Variants in CAMKMT observed in about 807,000 individuals in gnomAD.
The protein encoded by CAMKMT is calmodulin-lysine N-methyltransferase, also known as CaM KMT.
CAMKMT carries 53 observed loss-of-function variants against 48.0 expected under a neutral mutation model. The ratio of observed to expected loss-of-function variants is 1.10; its 90% CI spans 0.89 to 1.39. The LOEUF (loss-of-function observed/expected upper bound fraction) is 1.39. Ranked by LOEUF, CAMKMT falls within the 40% of genes most tolerant of loss-of-function variation. The pLI, the probability that CAMKMT is intolerant of heterozygous loss-of-function variation, is 0.00. For synonymous variants in CAMKMT, 165 were observed against 152.3 expected (o/e 1.08, Z -0.61); for missense variants, 428 against 402.7 (o/e 1.06, Z -0.54).
intron 3 of CAMKMT, among the ~76,000 whole-genome samples, chr2:44,481,742 A>G (rs2104684336): frequency 6.6e-6 from 1 of 152,220 alleles, no homozygotes; most frequent in South Asian, 2.1e-4. Context: ...ATGAATGACA[A>G]AGCTTTTGAT....
At chr2:44,703,340 A>G (rs759396097) in intron 3 of CAMKMT, among the ~76,000 whole-genome samples, 8 of 152,218 alleles carry the variant, frequency 5.3e-5, no homozygotes, top group South Asian at 2.1e-4. Context: ...ATTTGAAATC[A>G]GTGATTTATG....
intron 3 of CAMKMT, among the ~76,000 whole-genome samples, chr2:44,403,987 T>G (rs1193622295): frequency 6.6e-6 from 1 of 152,188 alleles, no homozygotes; most frequent in East Asian, 1.9e-4. Context: ...AGCTATAGTT[T>G]ATTGGTCCTT....
At chr2:44,598,638 T>C (rs1048582105) in intron 3 of CAMKMT, among the ~76,000 whole-genome samples, 2 of 142,616 alleles carry the variant, frequency 1.4e-5, no homozygotes, top group Non-Finnish European at 3.1e-5. Flanking sequence ...GAGAAACTTA[T>C]ATACTATAAT....
chr2:44,404,879 A>C (rs1038847518), intron 3 of CAMKMT, among the ~76,000 whole-genome samples: 2 of 152,130 alleles, frequency 1.3e-5, no homozygotes, highest in Non-Finnish European at 2.9e-5. Context: ...TTTTTAAAAA[A>C]AGATGTTATG....
chr2:44,406,994 G>A (rs1164160121), intron 3 of CAMKMT, among the ~76,000 whole-genome samples: 1 of 152,160 alleles, frequency 6.6e-6, no homozygotes. Context: ...TTGGATTCCA[G>A]ACATCGTGTG....
intron 3 of CAMKMT, among the ~76,000 whole-genome samples, chr2:44,538,517 C>G (rs1049489916): frequency 6.6e-6 from 1 of 151,978 alleles, no homozygotes; most frequent in African/African-American, 2.4e-5. Flanking sequence ...TGAACTAACT[C>G]AGGAATGGAA....
At chr2:44,552,117 G>A (rs532021756) in intron 3 of CAMKMT, among the ~76,000 whole-genome samples, 2 of 152,060 alleles carry the variant, frequency 1.3e-5, no homozygotes, top group Non-Finnish European at 2.9e-5. Context: ...TTACCCATTA[G>A]GTGATTTCTC....
intron 3 of CAMKMT, among the ~76,000 whole-genome samples, chr2:44,544,314 A>G (rs1667278241): frequency 6.6e-6 from 1 of 152,210 alleles, no homozygotes; most frequent in South Asian, 2.1e-4. Context: ...TATACAAATC[A>G]AGACTTCCAG....
intron 3 of CAMKMT, among the ~76,000 whole-genome samples, chr2:44,700,164 C>T (rs548822633): frequency 6.6e-6 from 1 of 152,314 alleles, no homozygotes; most frequent in Non-Finnish European, 1.5e-5. Context: ...CTGCAGATTC[C>T]TCACCTTCAG....
intron 3 of CAMKMT, among the ~76,000 whole-genome samples, chr2:44,567,433 G>A (rs1164584561): frequency 2.6e-5 from 4 of 152,120 alleles, no homozygotes; most frequent in Admixed American, 6.5e-5. Flanking sequence ...TATCAACTGG[G>A]ATAGAAAAAT....
At chr2:44,509,074 T>C (rs1160264399) in intron 3 of CAMKMT, among the ~76,000 whole-genome samples, 1 of 146,300 alleles carries the variant, frequency 6.8e-6, no homozygotes, top group Non-Finnish European at 1.5e-5. Flanking sequence ...CCAGGCTGGA[T>C]GACAGACCCA....
intron 3 of CAMKMT, among the ~76,000 whole-genome samples, chr2:44,404,976 A>G (rs951062941): frequency 1.3e-5 from 2 of 152,136 alleles, no homozygotes; most frequent in Admixed American, 6.5e-5. Context: ...AGAGTCTTTC[A>G]TGGAGGCAAA....
chr2:44,425,378 A>G (rs1003170434), intron 3 of CAMKMT, among the ~76,000 whole-genome samples: 1 of 152,218 alleles, frequency 6.6e-6, no homozygotes, highest in African/African-American at 2.4e-5. Context: ...TTAGAAGAAT[A>G]TCATGGCTAA....
chr2:44,381,940 C>CTTTTTTTTTTTTTT (rs11440012), intron 2 of CAMKMT, among the ~76,000 whole-genome samples: 1 of 124,800 alleles, frequency 8.0e-6, no homozygotes, highest in Non-Finnish European at 1.6e-5. Context: ...TTATCTTACA[C>CTTTTTTTTTTTTTT]TTTTTTTTTT....
At chr2:44,512,182 C>T (rs1294115559) in intron 3 of CAMKMT, among the ~76,000 whole-genome samples, 1 of 152,156 alleles carries the variant, frequency 6.6e-6, no homozygotes, top group Non-Finnish European at 1.5e-5. Context: ...TGATGCTTGA[C>T]CATGTCTATG....
intron 3 of CAMKMT, among the ~76,000 whole-genome samples, chr2:44,490,603 C>A (rs578051252): frequency 1.3e-5 from 2 of 149,902 alleles, no homozygotes; most frequent in South Asian, 4.2e-4. Context: ...CTAAAATCTC[C>A]ACATATTTAT....
chr2:44,717,981 A>G (rs1476990896), intron 7 of CAMKMT, among the ~76,000 whole-genome samples: 1 of 152,162 alleles, frequency 6.6e-6, no homozygotes, highest in Non-Finnish European at 1.5e-5. Flanking sequence ...ACAGGGGCAG[A>G]CCCAGGTTGT....
intron 3 of CAMKMT, among the ~76,000 whole-genome samples, chr2:44,419,235 A>G (rs1031060854): frequency 6.6e-6 from 1 of 152,206 alleles, no homozygotes; most frequent in Non-Finnish European, 1.5e-5. Flanking sequence ...CACTTAGATG[A>G]GATTTGAAAT....
At chr2:44,737,080 A>T (rs1054695548) in intron 7 of CAMKMT, among the ~76,000 whole-genome samples, 1 of 151,756 alleles carries the variant, frequency 6.6e-6, no homozygotes, top group Admixed American at 6.6e-5. Context: ...CTTCGTTGGG[A>T]TCTGAATGTT....
Sources: gnomAD v4.1 joint callset for allele counts (sites outside exome capture counted in the v4.1 genomes callset) on GRCh38, gnomAD v4.1.1 for gene constraint, MANE v1.5 for transcripts, NCBI Gene and HGNC (gene_info 2026-07-23, HGNC 2026-07-21) for gene names.